Variants in LAMA4 observed in about 807,000 individuals in gnomAD.
LAMA4 encodes laminin subunit alpha-4.
In LAMA4, 127 loss-of-function variants were observed where a neutral mutation model predicts 207.1. The ratio of observed to expected loss-of-function variants is 0.61; its 90% confidence interval spans 0.53 to 0.71. The LOEUF (loss-of-function observed/expected upper bound fraction) is 0.71. LAMA4 is among the 30% of genes least tolerant of loss of function. The pLI, the probability that LAMA4 is intolerant of heterozygous loss-of-function variation, is 0.00. For synonymous variants in LAMA4, 761 were observed against 816.0 expected (o/e 0.93, Z 1.15); for missense variants, 2,093 against 2,246.5 (o/e 0.93, Z 1.38).
chr6:112,199,153 C>T (rs1783589464), intron 5 of LAMA4, among the ~76,000 whole-genome samples: 1 of 152,186 alleles, frequency 6.6e-6, no homozygotes, highest in Non-Finnish European at 1.5e-5. Context: ...TGGGCTGAGG[C>T]ATTTATCATC....
intron 9 of LAMA4, among the ~76,000 whole-genome samples, chr6:112,184,775 G>T (rs1782585880): frequency 6.6e-6 from 1 of 152,162 alleles, no homozygotes; most frequent in African/African-American, 2.4e-5. Context: ...ATGGTTGAAA[G>T]TGGTTTTTTC....
intron 5 of LAMA4, among the ~76,000 whole-genome samples, chr6:112,193,674 C>T (rs368389447): frequency 6.6e-6 from 1 of 152,120 alleles, no homozygotes; most frequent in African/African-American, 2.4e-5. Context: ...CACAGACACC[C>T]TGGGAGGGAG....
At chr6:112,154,617 T>C (rs1780592613) in intron 16 of LAMA4, 1 of 558,558 alleles carries the variant, frequency 1.8e-6, no homozygotes, top group Admixed American at 3.1e-5. Context: ...CCACAGTATG[T>C]GAGATAGCTA....
rs587606770 is a variant in LAMA4, at chr6:112,117,050, A to G, written c.4981+689T>C. Among the ~76,000 whole-genome samples, 1 of 152,270 alleles carries G rather than the reference A, an allele frequency of 6.6e-6. No homozygotes were observed. Among genetic ancestry groups the G allele is most frequent in the East Asian group, 1.9e-4 (1 of 5,188 alleles). On this transcript the variant is annotated intron_variant, in intron 35 of 38. Transcript: ENST00000230538. This position sits in a 1 kb window ranked among gnomAD's most constrained non-coding sequence, Gnocchi z 4.5. ...GTGCAAAGTACCTAAGTGCCTTGAG[A>G]GGAGGGAACATGCAGCTTTATACCC...
intron 37 of LAMA4, 59 bp from the exon 38 acceptor site, chr6:112,114,254 G>A: frequency 1.3e-6 from 2 of 1,552,776 alleles, no homozygotes; most frequent in South Asian, 2.2e-5. Context: ...TTTTTAACCT[G>A]AGAAAGACTA....
intron 6 of LAMA4, 142 bp from the exon 7 acceptor site, chr6:112,189,347 T>C: frequency 1.4e-6 from 1 of 691,934 alleles, no homozygotes; most frequent in Non-Finnish European, 2.6e-6. Context: ...TCAGACTGTG[T>C]AGAATCTACG....
chr6:112,116,563 G>A (rs1330401408), intron 35 of LAMA4, among the ~76,000 whole-genome samples: 1 of 152,176 alleles, frequency 6.6e-6, no homozygotes, highest in Admixed American at 6.5e-5. Context: ...AACCTAACTG[G>A]TGCCAGTGTT....
intron 38 of LAMA4, among the ~76,000 whole-genome samples, chr6:112,113,789 A>G (rs1777842636): frequency 1.3e-5 from 2 of 152,230 alleles, no homozygotes; most frequent in South Asian, 2.1e-4. Context: ...GAGATAAAAT[A>G]AGAGTATGTG....
At chr6:112,162,869 G>A (rs1325977228) in intron 13 of LAMA4, among the ~76,000 whole-genome samples, 1 of 151,772 alleles carries the variant, frequency 6.6e-6, no homozygotes, top group East Asian at 1.9e-4. Context: ...GCTAGGGAGA[G>A]AGTATAGGTA....
intron 2 of LAMA4, among the ~76,000 whole-genome samples, chr6:112,250,962 T>C (rs528927386): frequency 6.6e-6 from 1 of 152,288 alleles, no homozygotes; most frequent in South Asian, 2.1e-4. Flanking sequence ...TAGACTTTCT[T>C]TTCCTTAATG....
chr6:112,245,113 G>C (rs1554188418), intron 2 of LAMA4, among the ~76,000 whole-genome samples: 2 of 152,198 alleles, frequency 1.3e-5, no homozygotes, highest in East Asian at 3.8e-4. Context: ...ACTCAGGACA[G>C]ATAGCAGGAA....
chr6:112,126,768 A>G (rs1261991324), intron 31 of LAMA4, among the ~76,000 whole-genome samples: 1 of 152,234 alleles, frequency 6.6e-6, no homozygotes, highest in Non-Finnish European at 1.5e-5. Context: ...TAGCATTCAA[A>G]GAAATGCAAA....
intron 31 of LAMA4, among the ~76,000 whole-genome samples, chr6:112,125,807 A>G (rs138830058): frequency 5.3e-5 from 8 of 152,352 alleles, no homozygotes; most frequent in Non-Finnish European, 1.0e-4. Context: ...ATTAATGGTT[A>G]AGTGAATATA....
rs782285848 is a variant in LAMA4, at chr6:112,119,330, A to C, written c.4666-19T>G. 6.2e-7 allele frequency: 1 copy of C among 1,612,546 alleles called. No individual in the cohort carries two copies. Among genetic ancestry groups the C allele is most frequent in the Non-Finnish European group, 8.5e-7 (1 of 1,179,398 alleles). ...ATATCACCTGGATGAAGAGAAGGAC[A>C]ATAGCACATCTCAGGTACATTCCAA... is the stretch of plus-strand genomic sequence containing the variant. On this transcript the variant is annotated intron_variant, in intron 33 of 38. Coordinates refer to ENST00000230538, the MANE Select transcript of LAMA4 (RefSeq NM_001105206.3).
intron 14 of LAMA4, among the ~76,000 whole-genome samples, chr6:112,156,154 C>T (rs1657757774): frequency 6.6e-6 from 1 of 152,126 alleles, no homozygotes; most frequent in Admixed American, 6.5e-5. Flanking sequence ...TGTTTCACTC[C>T]TGAGGCCTGG....
At chr6:112,163,457 A>T (rs1781196300) in intron 13 of LAMA4, among the ~76,000 whole-genome samples, 1 of 152,208 alleles carries the variant, frequency 6.6e-6, no homozygotes, top group Non-Finnish European at 1.5e-5. Context: ...GGCTGGGAAG[A>T]AACCGCTAGC....
At chr6:112,122,261 G>T in intron 31 of LAMA4, 60 bp from the exon 32 acceptor site, 3 of 1,224,860 alleles carry the variant, frequency 2.4e-6, no homozygotes, top group Non-Finnish European at 3.6e-6. Context: ...AAAGTAATTT[G>T]TGATGTCCTC....
At chr6:112,246,891 T>C (rs964409487) in intron 2 of LAMA4, among the ~76,000 whole-genome samples, 3 of 152,216 alleles carry the variant, frequency 2.0e-5, no homozygotes, top group Admixed American at 6.5e-5. Context: ...GATCCTCCTA[T>C]TGCTGGGGAA....
At position 112,142,172 on chromosome 6, in the gene LAMA4, G is replaced by T; in HGVS notation, c.2614C>A (p.Pro872Thr). The change falls in exon 20 of 39, where the codon CCG becomes ACG. Residue 872 changes from proline to threonine, a missense_variant. By Grantham distance (38) the Pro-to-Thr change is conservative. Coordinates refer to ENST00000230538, the MANE Select transcript of LAMA4 (RefSeq NM_001105206.3). Reference sequence around the variant, plus strand: ...TGATCTGCAGTCTCGGTCAGTTCCGGCCGCTTCACAGGGGGTTTCATGTAC... The same window carrying T: ...TGATCTGCAGTCTCGGTCAGTTCCGTCCGCTTCACAGGGGGTTTCATGTAC... ...SLYMKPPVKR[P>T]ELTETADQFI... 1.2e-6 allele frequency: 2 copies of T among 1,614,100 alleles called. No homozygotes were observed. The highest frequency in any genetic ancestry group is 1.7e-6 in the Non-Finnish European group (2 of 1,180,002).
Sources: gnomAD v4.1 joint callset for allele counts (sites outside exome capture counted in the v4.1 genomes callset) on GRCh38, gnomAD v4.1.1 for gene constraint, Gnocchi (gnomAD v3.1) non-coding constraint, MANE v1.5 for transcripts, NCBI Gene and HGNC (gene_info 2026-07-23, HGNC 2026-07-21) for gene names.